Variants in PMS1 observed in about 807,000 individuals in gnomAD.
PMS1 encodes the protein PMS1 homolog 1, mismatch repair system component, also known as PMS1 protein homolog 1.
In PMS1, 79 loss-of-function variants were observed where a neutral mutation model predicts 93.1. That is an observed-to-expected ratio of 0.85 (90% CI 0.71 to 1.02). PMS1 has a LOEUF of 1.02. Among genes scored for constraint, PMS1 ranks in the 50% least tolerant of loss-of-function variants. The pLI is 0.00. For missense variants in PMS1, 1,064 were observed against 1,085.3 expected, an observed-to-expected ratio of 0.98 and a Z score of 0.28; for synonymous variants, 335 against 363.4, an observed-to-expected ratio of 0.92 and a Z score of 0.89.
chr2:189,864,983 T>C (rs1383954737), intron 10 of PMS1, among the ~76,000 whole-genome samples: 1 of 151,562 alleles, frequency 6.6e-6, no homozygotes, highest in Non-Finnish European at 1.5e-5. Context: ...CTTTGCCACA[T>C]TTGCTTTACC....
chr2:189,854,497 C>T lies in PMS1; in HGVS notation c.1225C>T (p.His409Tyr), dbSNP rs868155651. 3 of 1,613,526 alleles carry T rather than the reference C, an allele frequency of 1.9e-6. No individual in the cohort carries two copies. The African/African-American group carries it at 4.0e-5, about 22-fold the overall frequency. Residue 409 changes from histidine (H) to tyrosine (Y), a missense_variant, in exon 9 of 13, where the codon CAC (histidine) becomes TAC (tyrosine). Physicochemically the swap from His to Tyr is moderately conservative, Grantham distance 83. Transcript: ENST00000441310. The stretch of plus-strand genomic sequence containing the variant: ...AAAAAACACTGATGATTGTTTAAAT[C>T]ACCAGATAAGTATTGGTGACTTTGG... The part of the protein sequence containing the change: ...SGKNTDDCLN[H>Y]QISIGDFGYG...
In PMS1 at chr2:189,855,032, C is replaced by G. The variant is rs2055165171; in HGVS notation, c.1760C>G (p.Pro587Arg). ...ASALFVQDHR[P>R]QFLIENPKTS... Reference sequence around the variant, plus strand: ...GCTCTTTTTGTTCAAGATCATCGTCCTCAGTTTCTCATAGAAAATCCTAAG... The same window carrying G: ...GCTCTTTTTGTTCAAGATCATCGTCGTCAGTTTCTCATAGAAAATCCTAAG... Residue 587 changes from proline to arginine, a missense_variant, in exon 9 of 13, where the codon CCT becomes CGT. Pro to Arg is a moderately radical substitution (Grantham distance 103, BLOSUM62 -2). Coordinates refer to ENST00000441310, the MANE Select transcript of PMS1 (RefSeq NM_000534.5). 1.9e-6 allele frequency: 3 copies of G among 1,612,662 alleles called. No individual in the cohort carries two copies. Among genetic ancestry groups the G allele is most frequent in the Admixed American group, 1.7e-5 (1 of 59,980 alleles).
intron 6 of PMS1, among the ~76,000 whole-genome samples, chr2:189,851,275 C>T (rs1310970649): frequency 6.6e-6 from 1 of 151,130 alleles, no homozygotes; most frequent in Non-Finnish European, 1.5e-5. Flanking sequence ...TTACATATTT[C>T]TTCTTCATTT....
intron 1 of PMS1, among the ~76,000 whole-genome samples, chr2:189,785,752 C>T (rs1468003359): frequency 6.6e-6 from 1 of 152,042 alleles, no homozygotes; most frequent in Non-Finnish European, 1.5e-5. Flanking sequence ...TGATACTGAA[C>T]TAAATCTGGA....
chr2:189,871,542 G>C (rs1198203196), intron 11 of PMS1, among the ~76,000 whole-genome samples: 7 of 152,144 alleles, frequency 4.6e-5, no homozygotes, highest in Non-Finnish European at 7.3e-5. Context: ...GAGACTTTGT[G>C]AGCCTTTCAC....
chr2:189,855,117 G>C lies in PMS1; in HGVS notation c.1845G>C (p.Glu615Asp), dbSNP rs774104441. The C allele has an allele frequency of 6.2e-7, 1 of 1,612,900 alleles. No individual in the cohort carries two copies. Among genetic ancestry groups the C allele is most frequent in the East Asian group, 2.2e-5 (1 of 44,798 alleles). The change falls in exon 9 of 13, where the codon GAG becomes GAC. Residue 615 changes from glutamate (E) to aspartate (D), a missense_variant. Glu to Asp is a conservative substitution (Grantham distance 45). Transcript: ENST00000441310. The stretch of plus-strand genomic sequence containing the variant: ...AACTGTGGAAGACATTGAGTGAAGA[G>C]GAAAAACTGAAGTAAGTTTCCAGAG... Reference protein sequence around the residue: ...IEELWKTLSEEEKLKYEEKAT... With the variant: ...IEELWKTLSEDEKLKYEEKAT...
intron 2 of PMS1, among the ~76,000 whole-genome samples, chr2:189,792,692 T>TAA (rs1165724801): frequency 1.0e-5 from 1 of 98,042 alleles, no homozygotes; most frequent in Non-Finnish European, 1.8e-5. Context: ...GACACAAATA[T>TAA]ATATATATAT....
intron 5 of PMS1, among the ~76,000 whole-genome samples, chr2:189,835,559 C>T (rs181323400): frequency 1.8e-4 from 27 of 152,096 alleles, no homozygotes; most frequent in South Asian, 4.2e-4. Flanking sequence ...CAAGTACATA[C>T]GCAGGAGTAA....
intron 7 of PMS1, among the ~76,000 whole-genome samples, chr2:189,853,073 A>G (rs1478420593): frequency 6.6e-6 from 1 of 151,958 alleles, no homozygotes; most frequent in Non-Finnish European, 1.5e-5. Context: ...TTCTTTTGAG[A>G]TGGAGTTTCG....
intron 5 of PMS1, among the ~76,000 whole-genome samples, chr2:189,820,686 T>C (rs571777708): frequency 6.6e-4 from 100 of 152,280 alleles, no homozygotes; most frequent in African/African-American, 2.3e-3. Context: ...TTACAATAAC[T>C]TTGTGAGATA....
chr2:189,850,794 G>A (rs1260189842), intron 6 of PMS1, among the ~76,000 whole-genome samples: 7 of 152,042 alleles, frequency 4.6e-5, no homozygotes, highest in Admixed American at 2.6e-4. Flanking sequence ...TGAGGGTGTC[G>A]GGCTGCAGGG....
intron 3 of PMS1, among the ~76,000 whole-genome samples, chr2:189,801,900 C>T (rs948035053): frequency 2.0e-5 from 3 of 152,218 alleles, no homozygotes; most frequent in Non-Finnish European, 4.4e-5. Flanking sequence ...TTCCCCTCTG[C>T]AAATAGTATT....
chr2:189,853,884 T>C, intron 7 of PMS1, 55 bp from the exon 8 acceptor site: 5 of 1,140,214 alleles, frequency 4.4e-6, no homozygotes, highest in Non-Finnish European at 6.3e-6. Context: ...CTGGGTTTTA[T>C]TGTACTTTTT....
chr2:189,877,201 T>C (rs769464732), intron 12 of PMS1, 71 bp from the exon 13 acceptor site: 6 of 1,230,192 alleles, frequency 4.9e-6, no homozygotes, highest in Non-Finnish European at 7.1e-6. Context: ...CTGTCTTCCT[T>C]TTTGCCAGGA....
intron 5 of PMS1, among the ~76,000 whole-genome samples, chr2:189,832,396 A>G (rs1395602053): frequency 3.9e-5 from 6 of 152,320 alleles, no homozygotes; most frequent in African/African-American, 1.4e-4. Context: ...AAAGTCAAAT[A>G]TGTTAGAAAT....
At chr2:189,841,429 GGTTGCTGTTTGAGACTC>G (rs1004099643) in intron 5 of PMS1, among the ~76,000 whole-genome samples, 1 of 152,152 alleles carries the variant, frequency 6.6e-6, no homozygotes. Context: ...TTCCCAAGCA[GGTTGCTGTTTGAGACTC>G]TAAAAACAAA....
intron 1 of PMS1, among the ~76,000 whole-genome samples, chr2:189,786,415 G>C (rs2048352449): frequency 6.6e-6 from 1 of 152,154 alleles, no homozygotes; most frequent in South Asian, 2.1e-4. Flanking sequence ...AAAGAGGAGA[G>C]GACTAGTTTG....
intron 4 of PMS1, among the ~76,000 whole-genome samples, chr2:189,809,417 ATTAC>A (rs2050624983): frequency 2.0e-5 from 1 of 50,662 alleles, no homozygotes; most frequent in African/African-American, 7.1e-5. Flanking sequence ...ATTGGCCAAT[ATTAC>A]TTGGTGCTTT....
At chr2:189,826,027 A>G (rs1233289) in intron 5 of PMS1, among the ~76,000 whole-genome samples, 2,980 of 152,294 alleles carry the variant, frequency 0.02, 91 homozygotes, top group African/African-American at 0.068. Context: ...GATTTGGTTT[A>G]TAAGATGAAG....
Sources: allele counts gnomAD v4.1 joint callset (sites outside exome capture counted in the v4.1 genomes callset), GRCh38; gene constraint gnomAD v4.1.1; transcripts MANE v1.5; gene names NCBI Gene and HGNC (gene_info 2026-07-23, HGNC 2026-07-21).